RSF1: variants seen among roughly 807,000 people sequenced by gnomAD.
The protein encoded by RSF1 is HBV pX-associated protein 8.
Under a neutral mutation model 145.2 loss-of-function variants are expected in RSF1, and 13 were observed. The observed-to-expected ratio is 0.09, with a 90% CI of 0.06 to 0.14. The LOEUF is 0.14. Ranked by LOEUF, RSF1 falls within the 10% of genes least tolerant of loss-of-function variation. The pLI is 1.00. For synonymous variants in RSF1, 577 were observed against 592.6 expected, an observed-to-expected ratio of 0.97 and a Z score of 0.38; for missense variants, 1,517 against 1,718.2, an observed-to-expected ratio of 0.88 and a Z score of 2.07.
At position 77,754,133 on chromosome 11, in the gene RSF1, T is replaced by A. The variant is rs573230237; in HGVS notation, c.280-7005A>T. Among the ~76,000 whole-genome samples, 6 of 152,318 alleles carry A rather than the reference T, an allele frequency of 3.9e-5. No homozygotes were observed. In the East Asian group the frequency reaches 1.2e-3, roughly 29 times the overall value. On this transcript the variant is annotated intron_variant, in intron 2 of 15. Transcript: ENST00000308488. ...CTCTACATGGGCAGGGGGCATTGAT[T>A]GGGTAGTTCTACCATCATGATGGAG...
At chr11:77,847,361 C>T in the RSF1 span, among the ~76,000 whole-genome samples, 1 of 152,330 alleles carries the variant, frequency 6.6e-6, no homozygotes, top group African/African-American at 2.4e-5. Context: ...TAGTCTATCA[C>T]ATTGTTCTGC....
chr11:77,715,472 G>C (rs936345761), intron 5 of RSF1, among the ~76,000 whole-genome samples: 2 of 152,008 alleles, frequency 1.3e-5, no homozygotes, highest in African/African-American at 4.8e-5. Context: ...TTTTGAGAGG[G>C]AGTTGCACTC....
Position 77,665,969 on chromosome 11 carries a change from T to C in RSF1, c.*948A>G, listed in dbSNP as rs1488473130. ...TCAGCTTAGCATCTCTTCATGTATGTTATATATAGATGTATTTTTTTCAAA... is the reference window on the plus strand; with the variant it reads ...TCAGCTTAGCATCTCTTCATGTATGCTATATATAGATGTATTTTTTTCAAA... On this transcript the variant is annotated 3_prime_UTR_variant, in exon 16 of 16. Transcript: ENST00000308488. 6.6e-6 allele frequency: 1 copy of C among 152,186 alleles called. No individual in the cohort carries two copies. The highest frequency in any genetic ancestry group is 2.4e-5 in the African/African-American group (1 of 41,448). The allele number at this position is 152,186 out of a possible 1,614,324, so 9.4% of individuals were successfully genotyped here.
chr11:77,678,037 G>A (rs773948375), intron 12 of RSF1, 49 bp downstream of exon 12: 6 of 1,412,802 alleles, frequency 4.2e-6, no homozygotes, highest in Non-Finnish European at 5.0e-6. Flanking sequence ...GCACCTGAAT[G>A]AACTTCTTGG....
intron 5 of RSF1, among the ~76,000 whole-genome samples, chr11:77,724,495 A>T (rs1335058564): frequency 6.6e-6 from 1 of 152,220 alleles, no homozygotes; most frequent in African/African-American, 2.4e-5. Context: ...ATGAATTGAT[A>T]AACAAAATGT....
At chr11:77,796,227 A>T (rs1225159904) in intron 1 of RSF1, among the ~76,000 whole-genome samples, 1 of 152,204 alleles carries the variant, frequency 6.6e-6, no homozygotes, top group Non-Finnish European at 1.5e-5. Context: ...TTTCAGGCCA[A>T]TATCCCTGAT....
At chr11:77,807,272 A>G (rs903005252) in intron 1 of RSF1, among the ~76,000 whole-genome samples, 2 of 152,076 alleles carry the variant, frequency 1.3e-5, no homozygotes, top group African/African-American at 4.8e-5. Flanking sequence ...CTTTTACTCA[A>G]CCATTCAAAT....
intron 5 of RSF1, among the ~76,000 whole-genome samples, chr11:77,709,307 C>T (rs1010318126): frequency 2.0e-5 from 3 of 152,146 alleles, no homozygotes; most frequent in African/African-American, 7.2e-5. Context: ...ATTTTATTTA[C>T]TAATCTTGTT....
chr11:77,754,378 G>C (rs1227056152), intron 2 of RSF1, among the ~76,000 whole-genome samples: 1 of 152,122 alleles, frequency 6.6e-6, no homozygotes, highest in Non-Finnish European at 1.5e-5. Context: ...GAGGTAGGAG[G>C]ATCACTTGAA....
chr11:77,752,147 G>T (rs977304428), intron 2 of RSF1, among the ~76,000 whole-genome samples: 8 of 152,138 alleles, frequency 5.3e-5, no homozygotes, highest in African/African-American at 1.9e-4. Flanking sequence ...ACAAAAAGCA[G>T]CCCAAGAAGT....
At chr11:77,823,077 GGTGGCGGCGGGCCCCTGTAGACAGCTACT>G (rs1380587930), upstream of RSF1, among the ~76,000 whole-genome samples, 1 of 151,956 alleles carries the variant, frequency 6.6e-6, no homozygotes, top group African/African-American at 2.4e-5. Flanking sequence ...AGCCGGGCGT[GGTGGCGGCGGGCCCCTGTAGACAGCTACT>G]CGGGAGGCTG....
chr11:77,768,895 T>C (rs1433153323), intron 1 of RSF1, among the ~76,000 whole-genome samples: 3 of 152,196 alleles, frequency 2.0e-5, no homozygotes, highest in Non-Finnish European at 4.4e-5. Context: ...TATCTACACT[T>C]TTCAGTGCAG....
At chr11:77,739,844 A>G (rs1416250457) in intron 4 of RSF1, among the ~76,000 whole-genome samples, 1 of 152,210 alleles carries the variant, frequency 6.6e-6, no homozygotes, top group Non-Finnish European at 1.5e-5. Context: ...AGTATTACTC[A>G]TAGGGTTTAG....
At chr11:77,852,355 T>C in the RSF1 span, among the ~76,000 whole-genome samples, 5 of 152,132 alleles carry the variant, frequency 3.3e-5, no homozygotes, top group African/African-American at 7.2e-5. Flanking sequence ...TCTGTTGGCA[T>C]ACAATTTTAG....
rs1208754550 is a variant in RSF1 at position 77,666,716 on chromosome 11, A to G, written c.*201T>C. ...CCATGAACCTGGAAAAAGAAAATCA[A>G]AAGGAATTTACAGCAATTATTTATC... On this transcript the variant is annotated 3_prime_UTR_variant, in exon 16 of 16. Transcript: ENST00000308488. The G allele has an allele frequency of 2.5e-6, 1 of 402,848 alleles. No homozygotes were observed. Among genetic ancestry groups the G allele is most frequent in the East Asian group, 3.6e-5 (1 of 27,858 alleles). The allele number at this position is 402,848 out of a possible 1,614,324, so 25.0% of individuals were successfully genotyped here.
At chr11:77,860,552 T>C in the RSF1 span, among the ~76,000 whole-genome samples, 1 of 152,202 alleles carries the variant, frequency 6.6e-6, no homozygotes, top group Non-Finnish European at 1.5e-5. Flanking sequence ...TGGCACAAGG[T>C]TTCTGAAAGG....
intron 1 of RSF1, among the ~76,000 whole-genome samples, chr11:77,791,853 A>C (rs1948520872): frequency 1.3e-5 from 2 of 152,310 alleles, no homozygotes; most frequent in Admixed American, 1.3e-4. Flanking sequence ...GTCTCTAGGA[A>C]GTTCTAAACT....
intron 4 of RSF1, 110 bp from the exon 5 acceptor site, chr11:77,725,809 C>T: frequency 1.3e-6 from 1 of 796,240 alleles, no homozygotes; most frequent in Non-Finnish European, 1.8e-6. Flanking sequence ...ACATTAAGAA[C>T]ATCAAAAACA....
intron 11 of RSF1, among the ~76,000 whole-genome samples, chr11:77,679,823 TAAAG>T (rs1303311462): frequency 1.3e-5 from 2 of 152,140 alleles, no homozygotes; most frequent in South Asian, 2.1e-4. Context: ...TACCTTGACT[TAAAG>T]AAAAGGATCA....
Sources: allele counts gnomAD v4.1 joint callset (sites outside exome capture counted in the v4.1 genomes callset), GRCh38; gene constraint gnomAD v4.1.1; transcripts MANE v1.5; gene names NCBI Gene and HGNC (gene_info 2026-07-23, HGNC 2026-07-21).